DCPS: variants seen among roughly 807,000 people sequenced by gnomAD.
DCPS encodes m7GpppX diphosphatase.
Under a neutral mutation model 34.7 loss-of-function variants are expected in DCPS, and 27 were observed. That is an observed-to-expected ratio of 0.78 (90% CI 0.57 to 1.07). The LOEUF (loss-of-function observed/expected upper bound fraction) is 1.07, where lower values mean the gene tolerates loss of function less well. Ranked by LOEUF, DCPS falls within the 50% of genes least tolerant of loss-of-function variation. DCPS has a pLI of 0.00. For missense variants in DCPS, 464 were observed against 436.9 expected, an observed-to-expected ratio of 1.06 and a Z score of -0.55; for synonymous variants, 185 against 185.7, an observed-to-expected ratio of 1.00 and a Z score of 0.03.
rs11371505 is a variant in DCPS at position 126,320,004 on chromosome 11, A to ATTT, written c.377-11389_377-11387dup. On this transcript the variant is annotated intron_variant, in intron 2 of 5. Transcript: ENST00000263579. The surrounding 1 kb of genome is among the most constrained non-coding windows in gnomAD (Gnocchi z 4.7). ...AACATCTCAGAGTATGTCCTTTCAG[A>ATTT]TTTTTTTTTTTTTTGAGATGGAATC... Among the ~76,000 whole-genome samples the ATTT allele has an allele frequency of 5.5e-5, 8 of 144,608 alleles. No individual in the cohort carries two copies. The highest frequency in any genetic ancestry group is 7.5e-5 in the Non-Finnish European group (5 of 66,514). 94.9% of individuals were successfully genotyped at this position (144,608 alleles called of 152,430 possible).
chr11:126,345,484 C>T lies in DCPS; in HGVS notation c.885C>T (p.Ala295=). ...FEAPGSGVER[A]HLLAEVIENL... Reference sequence around the variant, plus strand: ...CCCCCGGCTCAGGCGTGGAGCGGGCCCACCTGCTGGCTGAGGTGATCGAGA... The same window carrying T: ...CCCCCGGCTCAGGCGTGGAGCGGGCTCACCTGCTGGCTGAGGTGATCGAGA... The change falls in exon 6 of 6, where the codon GCC becomes GCT. Residue 295 remains alanine, a synonymous_variant. Transcript: ENST00000263579. This position sits in a 1 kb window ranked among gnomAD's most constrained non-coding sequence, Gnocchi z 7.4. The T allele has an allele frequency of 1.9e-6, 3 of 1,614,148 alleles. No homozygotes were observed. Among genetic ancestry groups the T allele is most frequent in the Non-Finnish European group, 2.5e-6 (3 of 1,180,022 alleles).
At position 126,338,383 on chromosome 11, in the gene DCPS, A is replaced by G. The variant is rs772900138; in HGVS notation, c.620A>G (p.Lys207Arg). 6.2e-6 allele frequency: 10 copies of G among 1,614,074 alleles called. No individual in the cohort carries two copies. The South Asian group carries it at 6.6e-5, about 11-fold the overall frequency. The change falls in exon 4 of 6, where the codon AAG becomes AGG. Residue 207 changes from lysine to arginine, a missense_variant. Physicochemically the swap from Lys to Arg is conservative, Grantham distance 26 (BLOSUM62 2). Coordinates refer to ENST00000263579, the MANE Select transcript of DCPS (RefSeq NM_014026.6). This position sits in a 1 kb window ranked among gnomAD's most constrained non-coding sequence, Gnocchi z 5.4. Reference protein sequence around the residue: ...SDGFVLIPDLKWNQQQLDDLY... With the variant: ...SDGFVLIPDLRWNQQQLDDLY... Reference sequence around the variant, plus strand: ...GGTTTTGTCCTCATCCCTGACCTCAAGTGGAACCAACAGCAGGTAAAGGTT... The same window carrying G: ...GGTTTTGTCCTCATCCCTGACCTCAGGTGGAACCAACAGCAGGTAAAGGTT...
chr11:126,310,666 A>G (rs910716086), intron 2 of DCPS, among the ~76,000 whole-genome samples: 8 of 152,252 alleles, frequency 5.3e-5, no homozygotes, highest in African/African-American at 1.7e-4. Context: ...CCACAGCCAC[A>G]AGGTGGCAGC....
At chr11:126,340,750 T>TGCCCC (rs2135335486) in intron 4 of DCPS, 1 of 152,350 alleles carries the variant, frequency 6.6e-6, no homozygotes, top group Admixed American at 6.5e-5. Flanking sequence ...TCCAAACTGA[T>TGCCCC]GCCCCTGAAT....
rs1435247148 is a variant in DCPS, at chr11:126,333,664, T to A, written c.522+2114T>A. Among the ~76,000 whole-genome samples, 1 of 152,148 alleles carries A rather than the reference T, an allele frequency of 6.6e-6. No individual in the cohort carries two copies. The highest frequency in any genetic ancestry group is 2.4e-5 in the African/African-American group (1 of 41,438). ...GCAAGGAGTTTGGTGTGACTGGGGC[T>A]TGGGCTGCTGGAGGGTCAGAGGAGA... On this transcript the variant is annotated intron_variant, in intron 3 of 5. Transcript: ENST00000263579. The surrounding 1 kb of genome is among the most constrained non-coding windows in gnomAD (Gnocchi z 5.7).
rs948052899 is a variant in DCPS, at chr11:126,335,654, C to G, written c.523-2632C>G. The stretch of plus-strand genomic sequence containing the variant: ...CTGTAAAATGGGGACAATGTCCAGG[C>G]GCGGTGGCTTATGCCTGTAATCCCA... On this transcript the variant is annotated intron_variant, in intron 3 of 5. Transcript: ENST00000263579. This position sits in a 1 kb window ranked among gnomAD's most constrained non-coding sequence, Gnocchi z 4.8. 1.3e-5 allele frequency among the ~76,000 whole-genome samples: 2 copies of G among 152,142 alleles called. No homozygotes were observed. The highest frequency in any genetic ancestry group is 2.4e-5 in the African/African-American group (1 of 41,424).
intron 4 of DCPS, among the ~76,000 whole-genome samples, chr11:126,340,665 C>T (rs1459994729): frequency 6.6e-6 from 1 of 152,132 alleles, no homozygotes; most frequent in Non-Finnish European, 1.5e-5. Context: ...TAGGGAGGCA[C>T]CCTGGTGTTT....
chr11:126,318,500 G>C (rs1008021902), intron 2 of DCPS, among the ~76,000 whole-genome samples: 2 of 152,170 alleles, frequency 1.3e-5, no homozygotes, highest in African/African-American at 4.8e-5. Context: ...CCACAGAGGA[G>C]GAAAGAGAAA....
In DCPS at chr11:126,347,654, G is replaced by C. The variant is rs1951948678; in HGVS notation, c.*2041G>C. On this transcript the variant is annotated 3_prime_UTR_variant, in exon 6 of 6. Transcript: ENST00000263579. The surrounding 1 kb of genome is among the most constrained non-coding windows in gnomAD (Gnocchi z 4.2). ...TCCATTTCATGGCCACCACACATCTGACTGACTCCTTCTTGGGCTAAGCAA... is the reference window on the plus strand; with the variant it reads ...TCCATTTCATGGCCACCACACATCTCACTGACTCCTTCTTGGGCTAAGCAA... Among the ~76,000 whole-genome samples the C allele has an allele frequency of 6.6e-6, 1 of 152,204 alleles. No homozygotes were observed. The highest frequency in any genetic ancestry group is 2.4e-5 in the African/African-American group (1 of 41,444).
intron 2 of DCPS, among the ~76,000 whole-genome samples, chr11:126,307,096 A>G (rs1266492928): frequency 1.3e-5 from 2 of 151,930 alleles, no homozygotes; most frequent in Non-Finnish European, 2.9e-5. Context: ...TTGGGAGGCC[A>G]CGGCGGGCAG....
At chr11:126,316,684 G>A (rs1349715099) in intron 2 of DCPS, among the ~76,000 whole-genome samples, 4 of 150,402 alleles carry the variant, frequency 2.7e-5, no homozygotes, top group Non-Finnish European at 4.4e-5. Flanking sequence ...ATGGAGTCTC[G>A]CTCTGTCGCT....
rs171270 is a variant in DCPS at position 126,337,850 on chromosome 11, C to G, written c.523-436C>G. On this transcript the variant is annotated intron_variant, in intron 3 of 5. Coordinates refer to ENST00000263579, the MANE Select transcript of DCPS (RefSeq NM_014026.6). The surrounding 1 kb of genome is among the most constrained non-coding windows in gnomAD (Gnocchi z 5.3). ...AGAAGGAAACCGTGGTGCCCTCAGCCTCCTACCTCTCTTTGCCCCATAGTC... is the reference window on the plus strand; with the variant it reads ...AGAAGGAAACCGTGGTGCCCTCAGCGTCCTACCTCTCTTTGCCCCATAGTC... 0.26 allele frequency: 42,661 copies of G among 163,768 alleles called. 5,702 individuals are homozygous for G. Among genetic ancestry groups the G allele is most frequent in the Non-Finnish European group, 0.28 (21,070 of 74,412 alleles). The allele number at this position is 163,768 out of a possible 1,614,324, so 10.1% of individuals were successfully genotyped here. A position where few individuals can be genotyped will look rare whatever the true frequency, so the allele number is the denominator to read the frequency against.
rs1951731758 is a variant in DCPS at position 126,325,239 on chromosome 11, C to T, written c.377-6166C>T. Among the ~76,000 whole-genome samples, 1 of 151,990 alleles carries T rather than the reference C, an allele frequency of 6.6e-6. No individual in the cohort carries two copies. The highest frequency in any genetic ancestry group is 1.5e-5 in the Non-Finnish European group (1 of 68,006). On this transcript the variant is annotated intron_variant, in intron 2 of 5. Coordinates refer to ENST00000263579, the MANE Select transcript of DCPS (RefSeq NM_014026.6). This position sits in a 1 kb window ranked among gnomAD's most constrained non-coding sequence, Gnocchi z 4.3. ...AAATGTAATGACTTATTCCATACAC[C>T]AAAAATTATGCTGAAGAGAAGAAAA...
chr11:126,310,977 A>C (rs1455125863), intron 2 of DCPS, among the ~76,000 whole-genome samples: 1 of 151,862 alleles, frequency 6.6e-6, no homozygotes, highest in Non-Finnish European at 1.5e-5. Flanking sequence ...TCATGGGCTC[A>C]GCTGATTTTT....
At chr11:126,307,737 A>G (rs892639424) in intron 2 of DCPS, among the ~76,000 whole-genome samples, 2 of 152,208 alleles carry the variant, frequency 1.3e-5, no homozygotes, top group Admixed American at 1.3e-4. Flanking sequence ...TAATTGAATG[A>G]TAAAAATTGT....
Position 126,338,013 on chromosome 11 carries a change from G to A in DCPS, c.523-273G>A. 2.1e-6 allele frequency: 1 copy of A among 476,832 alleles called. No homozygotes were observed. The highest frequency in any genetic ancestry group is 3.8e-6 in the Non-Finnish European group (1 of 260,096). The allele number at this position is 476,832 out of a possible 1,614,324, so 29.5% of individuals were successfully genotyped here. On this transcript the variant is annotated intron_variant, in intron 3 of 5. Coordinates refer to ENST00000263579, the MANE Select transcript of DCPS (RefSeq NM_014026.6). The surrounding 1 kb of genome is among the most constrained non-coding windows in gnomAD (Gnocchi z 5.4). The stretch of plus-strand genomic sequence containing the variant: ...CAGAGCATGTGCACTATGCTGACCA[G>A]GAAGAGCCTGGCCCCTTCCAAGCTG...
Position 126,334,317 on chromosome 11 carries a change from C to T in DCPS, c.522+2767C>T, listed in dbSNP as rs985766566. On this transcript the variant is annotated intron_variant, in intron 3 of 5. Coordinates refer to ENST00000263579, the MANE Select transcript of DCPS (RefSeq NM_014026.6). This position sits in a 1 kb window ranked among gnomAD's most constrained non-coding sequence, Gnocchi z 5.5. ...AAGAACTGCTCTAAGCATTTATGCG[C>T]ATCACACCTCATTTATTTATTTATT... 1.3e-5 allele frequency among the ~76,000 whole-genome samples: 2 copies of T among 152,098 alleles called. No homozygotes were observed. The highest frequency in any genetic ancestry group is 2.9e-5 in the Non-Finnish European group (2 of 68,022).
At position 126,338,028 on chromosome 11, in the gene DCPS, C is replaced by T. The variant is rs1239628556; in HGVS notation, c.523-258C>T. On this transcript the variant is annotated intron_variant, in intron 3 of 5. Coordinates refer to ENST00000263579, the MANE Select transcript of DCPS (RefSeq NM_014026.6). This position sits in a 1 kb window ranked among gnomAD's most constrained non-coding sequence, Gnocchi z 5.4. ...ATGCTGACCAGGAAGAGCCTGGCCC[C>T]TTCCAAGCTGCAGAGACCCTTGTGA... 2.0e-6 allele frequency: 1 copy of T among 503,696 alleles called. No homozygotes were observed. 31.2% of individuals were successfully genotyped at this position (503,696 alleles called of 1,614,324 possible). A position where few individuals can be genotyped will look rare whatever the true frequency, so the allele number is the denominator to read the frequency against.
In DCPS at chr11:126,320,496, A is replaced by AGC. The variant is rs1951697803; in HGVS notation, c.377-10909_377-10908insGC. 2.6e-5 allele frequency among the ~76,000 whole-genome samples: 4 copies of AGC among 152,188 alleles called. No homozygotes were observed. Among genetic ancestry groups the AGC allele is most frequent in the African/African-American group, 9.7e-5 (4 of 41,432 alleles). ...GATATTAAAGGAATATTCTTAAAAAAAAATTAACCCATCAAGACTACAAGG... is the reference window on the plus strand; with the variant it reads ...GATATTAAAGGAATATTCTTAAAAAAGCAAATTAACCCATCAAGACTACAAGG... On this transcript the variant is annotated intron_variant, in intron 2 of 5. Coordinates refer to ENST00000263579, the MANE Select transcript of DCPS (RefSeq NM_014026.6). This position sits in a 1 kb window ranked among gnomAD's most constrained non-coding sequence, Gnocchi z 4.7.
Sources: gnomAD v4.1 joint callset for allele counts (sites outside exome capture counted in the v4.1 genomes callset) on GRCh38, gnomAD v4.1.1 for gene constraint, Gnocchi (gnomAD v3.1) non-coding constraint, MANE v1.5 for transcripts, NCBI Gene and HGNC (gene_info 2026-07-23, HGNC 2026-07-21) for gene names.